The following MYO3B variants were observed in gnomAD, a reference collection of about 807,000 sequenced individuals.
MYO3B encodes myosin IIIB.
Under a neutral mutation model 174.6 loss-of-function variants are expected in MYO3B, and 156 were observed. That is an observed-to-expected ratio of 0.89 (90% CI 0.78 to 1.02). MYO3B has a LOEUF of 1.02. Among genes scored for constraint, MYO3B ranks in the 50% least tolerant of loss-of-function variants. The pLI, the probability that MYO3B is intolerant of heterozygous loss-of-function variation, is 0.00. For missense variants in MYO3B, 1,632 were observed against 1,639.4 expected, an observed-to-expected ratio of 1.00 and a Z score of 0.08; for synonymous variants, 563 against 569.1, an observed-to-expected ratio of 0.99 and a Z score of 0.15.
intron 27 of MYO3B, 39 bp from the exon 28 acceptor site, chr2:170,501,746 A>C: frequency 1.4e-6 from 2 of 1,415,924 alleles, no homozygotes; most frequent in South Asian, 2.3e-5. Flanking sequence ...CACGTTCTTA[A>C]ATTAATGTCA....
intron 7 of MYO3B, among the ~76,000 whole-genome samples, chr2:170,322,474 G>A (rs572785649): frequency 1.3e-5 from 2 of 152,264 alleles, no homozygotes; most frequent in South Asian, 4.1e-4. Context: ...AAAACAATTG[G>A]CCATATTCTG....
intron 23 of MYO3B, among the ~76,000 whole-genome samples, chr2:170,444,578 G>C (rs752733624): frequency 2.0e-5 from 3 of 152,154 alleles, no homozygotes; most frequent in Non-Finnish European, 2.9e-5. Flanking sequence ...GAAGGTGTTG[G>C]AGTAAAGGCT....
At chr2:170,307,104 G>A (rs1343195301) in intron 7 of MYO3B, among the ~76,000 whole-genome samples, 1 of 151,952 alleles carries the variant, frequency 6.6e-6, no homozygotes, top group African/African-American at 2.4e-5. Flanking sequence ...TTAGCTGAGT[G>A]TGATCGTGCA....
At chr2:170,354,705 A>G (rs936238573) in intron 8 of MYO3B, among the ~76,000 whole-genome samples, 3 of 152,082 alleles carry the variant, frequency 2.0e-5, no homozygotes, top group Non-Finnish European at 2.9e-5. Context: ...TAGATGGCCT[A>G]TTATTCAGCA....
intron 3 of MYO3B, among the ~76,000 whole-genome samples, chr2:170,209,824 A>G (rs1014168875): frequency 1.2e-4 from 19 of 152,212 alleles, no homozygotes; most frequent in Admixed American, 2.6e-4. Flanking sequence ...ATTTTGGAAC[A>G]CATATTAATA....
intron 22 of MYO3B, among the ~76,000 whole-genome samples, chr2:170,410,042 C>T (rs1310636795): frequency 6.6e-6 from 1 of 152,192 alleles, no homozygotes. Flanking sequence ...GGTGCCTATA[C>T]ATCTTGATGT....
chr2:170,415,920 G>A (rs909437629), intron 22 of MYO3B, among the ~76,000 whole-genome samples: 1 of 152,056 alleles, frequency 6.6e-6, no homozygotes, highest in Non-Finnish European at 1.5e-5. Flanking sequence ...GGGTTGAATT[G>A]TGTTCCCTCC....
At chr2:170,463,307 A>G in intron 23 of MYO3B, 61 bp from the exon 24 acceptor site, 1 of 1,469,746 alleles carries the variant, frequency 6.8e-7, no homozygotes, top group Non-Finnish European at 9.5e-7. Flanking sequence ...ATTTTGGAAG[A>G]CATGGAGCAT....
intron 22 of MYO3B, among the ~76,000 whole-genome samples, chr2:170,416,992 A>T (rs941906547): frequency 1.3e-4 from 20 of 151,068 alleles, no homozygotes; most frequent in Non-Finnish European, 2.7e-4. Flanking sequence ...CACCCGACTA[A>T]TTTTTTTTGT....
At chr2:170,551,353 T>A (rs546422134) in intron 32 of MYO3B, among the ~76,000 whole-genome samples, 33 of 123,914 alleles carry the variant, frequency 2.7e-4, no homozygotes, top group African/African-American at 9.1e-4. Context: ...AATTTAATTA[T>A]TTATTTATTT....
intron 8 of MYO3B, among the ~76,000 whole-genome samples, chr2:170,361,975 A>G (rs138387191): frequency 6.6e-6 from 1 of 152,304 alleles, no homozygotes; most frequent in African/African-American, 2.4e-5. Flanking sequence ...GCTTAGAGAT[A>G]GAGGGTAAAG....
intron 9 of MYO3B, among the ~76,000 whole-genome samples, chr2:170,375,922 T>G (rs1046395671): frequency 1.3e-5 from 2 of 152,226 alleles, no homozygotes; most frequent in East Asian, 3.8e-4. Flanking sequence ...ATCTGCTATC[T>G]ATCTATACCT....
intron 7 of MYO3B, among the ~76,000 whole-genome samples, chr2:170,316,537 G>A (rs905601873): frequency 8.5e-5 from 13 of 152,220 alleles, no homozygotes; most frequent in African/African-American, 3.1e-4. Context: ...AATGACCTAT[G>A]GAGGATGCCA....
chr2:170,406,760 CT>C (rs2105811900), intron 21 of MYO3B, among the ~76,000 whole-genome samples: 1 of 152,052 alleles, frequency 6.6e-6, no homozygotes, highest in Admixed American at 6.6e-5. Context: ...CCTCTGTGTC[CT>C]TTGCTGCATC....
At chr2:170,613,542 A>T (rs1258706735) in intron 32 of MYO3B, among the ~76,000 whole-genome samples, 1 of 151,736 alleles carries the variant, frequency 6.6e-6, no homozygotes, top group Admixed American at 6.6e-5. Flanking sequence ...GGCCTATAAC[A>T]CTCTCCCAAG....
chr2:170,535,223 C>A (rs551883975), intron 30 of MYO3B, among the ~76,000 whole-genome samples: 1 of 152,138 alleles, frequency 6.6e-6, no homozygotes, highest in African/African-American at 2.4e-5. Context: ...TAAAGGTGCT[C>A]GGTAAAGACT....
rs1224905959 is a variant in MYO3B, at chr2:170,466,614, G to C, written c.2917G>C (p.Val973Leu). 2 of 1,614,208 alleles carry C rather than the reference G, an allele frequency of 1.2e-6. No homozygotes were observed. Among genetic ancestry groups the C allele is most frequent in the Admixed American group, 1.7e-5 (1 of 60,024 alleles). ...REALQFSRER[V>L]LAQLRSTGIL... ...GGCCCTGCAGTTCTCTCGAGAGAGG[G>C]TGCTGGCCCAGCTCCGCTCCACAGG... Residue 973 changes from valine (V) to leucine (L), a missense_variant, in exon 25 of 35, where the codon GTG becomes CTG. Transcript: ENST00000408978.
intron 22 of MYO3B, among the ~76,000 whole-genome samples, chr2:170,433,681 G>C (rs1378865085): frequency 6.6e-6 from 1 of 152,106 alleles, no homozygotes; most frequent in African/African-American, 2.4e-5. Context: ...TCTTTTTCGG[G>C]CCTTCCCAGC....
intron 12 of MYO3B, among the ~76,000 whole-genome samples, chr2:170,384,315 A>G (rs2094357737): frequency 6.6e-6 from 1 of 151,982 alleles, no homozygotes; most frequent in Admixed American, 6.6e-5. Context: ...CAAACCTTAA[A>G]CTCAATACTA....
Sources: gnomAD v4.1 joint callset for allele counts (sites outside exome capture counted in the v4.1 genomes callset) on GRCh38, gnomAD v4.1.1 for gene constraint, MANE v1.5 for transcripts, NCBI Gene and HGNC (gene_info 2026-07-23, HGNC 2026-07-21) for gene names.